The following ASPRV1 variants were observed in gnomAD, a reference collection of about 807,000 sequenced individuals.
The protein encoded by ASPRV1 is retroviral-like aspartic protease 1.
ASPRV1 carries 7 observed loss-of-function variants against 11.0 expected under a neutral mutation model. The observed-to-expected ratio is 0.64, with a 90% CI of 0.36 to 1.20. The LOEUF is 1.20. ASPRV1 is among the 50% of genes most tolerant of loss of function. The pLI, the probability that ASPRV1 is intolerant of heterozygous loss-of-function variation, is 0.02. For missense variants in ASPRV1, 299 were observed against 320.0 expected (o/e 0.93, Z 0.50); for synonymous variants, 136 against 138.4 (o/e 0.98, Z 0.12).
the ASPRV1 span, among the ~76,000 whole-genome samples, chr2:69,935,781 C>T: frequency 6.6e-6 from 1 of 152,192 alleles, no homozygotes; most frequent in Non-Finnish European, 1.5e-5. Flanking sequence ...GGTCTACTTC[C>T]ATCTTCATCC....
the ASPRV1 span, among the ~76,000 whole-genome samples, chr2:70,067,189 G>T: frequency 0.02 from 3,031 of 152,308 alleles, 35 homozygotes; most frequent in Middle Eastern, 0.034. Flanking sequence ...TGAGGAGGTA[G>T]GGAGGACAAG....
chr2:70,063,674 G>C, the ASPRV1 span, among the ~76,000 whole-genome samples: 1 of 152,116 alleles, frequency 6.6e-6, no homozygotes, highest in Non-Finnish European at 1.5e-5. Flanking sequence ...GTTAAGGTAG[G>C]ATTTCTGGGG....
the ASPRV1 span, chr2:69,976,701 C>T: frequency 1.3e-5 from 2 of 152,270 alleles, no homozygotes; most frequent in Non-Finnish European, 2.9e-5. Flanking sequence ...TGGCCCCCTC[C>T]CTTTCCCCCT....
At chr2:70,065,132 C>T in the ASPRV1 span, among the ~76,000 whole-genome samples, 91 of 150,354 alleles carry the variant, frequency 6.1e-4, no homozygotes, top group Non-Finnish European at 1.1e-3. Flanking sequence ...AGGCCAGGTG[C>T]GGTGGGTGGC....
At chr2:70,082,661 G>A in the ASPRV1 span, among the ~76,000 whole-genome samples, 249 of 152,300 alleles carry the variant, frequency 1.6e-3, 1 homozygote, top group Non-Finnish European at 1.9e-3. Context: ...GGTGAGCCAG[G>A]ATCGCGCCAC....
chr2:69,998,929 C>A, the ASPRV1 span, among the ~76,000 whole-genome samples: 1 of 152,086 alleles, frequency 6.6e-6, no homozygotes, highest in South Asian at 2.1e-4. Context: ...CGGGCACAGG[C>A]CAAGAGCCAT....
chr2:69,938,121 G>A, the ASPRV1 span: 5 of 1,614,230 alleles, frequency 3.1e-6, no homozygotes, highest in Non-Finnish European at 4.2e-6. Context: ...GACGTGGAGA[G>A]CACGGACTAT....
At chr2:70,059,485 C>T in the ASPRV1 span, among the ~76,000 whole-genome samples, 8 of 151,968 alleles carry the variant, frequency 5.3e-5, no homozygotes, top group African/African-American at 1.9e-4. Context: ...CGTCCCCAAC[C>T]TTTTTGGCAT....
chr2:69,990,515 C>T, the ASPRV1 span, among the ~76,000 whole-genome samples: 2 of 152,014 alleles, frequency 1.3e-5, no homozygotes, highest in East Asian at 1.9e-4. Context: ...TCTCACTCTG[C>T]GGCCCAGGCT....
chr2:70,011,932 A>C, the ASPRV1 span: 2 of 152,502 alleles, frequency 1.3e-5, no homozygotes, highest in Non-Finnish European at 2.9e-5. Flanking sequence ...GCTAAGGGAG[A>C]AGCAGCTTCG....
the ASPRV1 span, among the ~76,000 whole-genome samples, chr2:70,043,244 C>T: frequency 6.6e-6 from 1 of 152,036 alleles, no homozygotes; most frequent in Non-Finnish European, 1.5e-5. Flanking sequence ...ATGGTGAAAC[C>T]CCATCTCCAC....
the ASPRV1 span, among the ~76,000 whole-genome samples, chr2:70,072,896 T>TAAA: frequency 3.1e-4 from 22 of 70,320 alleles, no homozygotes; most frequent in African/African-American, 6.5e-4. Context: ...TATAAAAAAC[T>TAAA]AAAAAAAAAA....
At chr2:69,997,024 A>G in the ASPRV1 span, 1 of 257,002 alleles carries the variant, frequency 3.9e-6, no homozygotes, top group Non-Finnish European at 7.8e-6. Context: ...CAGAATAAGA[A>G]GTGGACACAC....
the ASPRV1 span, among the ~76,000 whole-genome samples, chr2:69,987,810 G>C: frequency 6.6e-6 from 1 of 152,274 alleles, no homozygotes; most frequent in Middle Eastern, 3.4e-3. Context: ...ACTGGAATGG[G>C]AAGGTCTTTG....
Position 69,961,420 on chromosome 2 carries a change from G to A in ASPRV1, c.17C>T (p.Ala6Val), listed in dbSNP as rs1403623801. Reference sequence around the variant, plus strand: ...CTGCCGGCGGCCTTCCTCACTCCTGGCTCCGCTCCCGGCCATCCTGCTGCT... The same window carrying A: ...CTGCCGGCGGCCTTCCTCACTCCTGACTCCGCTCCCGGCCATCCTGCTGCT... MAGSG[A>V]RSEEGRRQHA... The change falls in exon 1 of 1, where the codon GCC (alanine) becomes GTC (valine). Residue 6 changes from alanine to valine, a missense_variant. Coordinates refer to ENST00000320256, the MANE Select transcript of ASPRV1 (RefSeq NM_152792.4). 1 of 1,614,052 alleles carries A rather than the reference G, an allele frequency of 6.2e-7. No homozygotes were observed. The highest frequency in any genetic ancestry group is 1.7e-5 in the Admixed American group (1 of 60,028).
At chr2:70,015,318 C>T in the ASPRV1 span, 1 of 152,322 alleles carries the variant, frequency 6.6e-6, no homozygotes, top group East Asian at 1.9e-4. Context: ...GACAGAGGAT[C>T]AATTTATCAA....
chr2:69,996,702 G>A, the ASPRV1 span: 1 of 456,684 alleles, frequency 2.2e-6, no homozygotes. Context: ...GTAACTGGTT[G>A]ATGTCAAGGG....
At chr2:70,085,796 A>C in the ASPRV1 span, 2 of 152,262 alleles carry the variant, frequency 1.3e-5, no homozygotes, top group Non-Finnish European at 2.9e-5. Context: ...TAATTGTGGT[A>C]AACTATTAAT....
At chr2:69,933,219 A>C in the ASPRV1 span, among the ~76,000 whole-genome samples, 1,827 of 150,762 alleles carry the variant, frequency 0.012, 29 homozygotes, top group Non-Finnish European at 0.02. Flanking sequence ...AAAAAAAAAA[A>C]AAAAACAAAA....
Sources: allele counts gnomAD v4.1 joint callset (sites outside exome capture counted in the v4.1 genomes callset), GRCh38; gene constraint gnomAD v4.1.1; transcripts MANE v1.5; gene names NCBI Gene and HGNC (gene_info 2026-07-23, HGNC 2026-07-21).